The following SLC6A20 variants were observed in gnomAD, a reference collection of about 807,000 sequenced individuals.
SLC6A20 encodes the protein solute carrier family 6 member 20.
A neutral mutation model predicts 64.3 loss-of-function variants in SLC6A20; 73 were observed. The observed-to-expected ratio is 1.14, with a 90% CI of 0.94 to 1.38. SLC6A20 has a LOEUF of 1.38. Among genes scored for constraint, SLC6A20 ranks in the 40% most tolerant of loss-of-function variants. SLC6A20 has a pLI of 0.00. For synonymous variants in SLC6A20, 347 were observed against 329.6 expected (o/e 1.05, Z -0.57); for missense variants, 725 against 772.8 (o/e 0.94, Z 0.73).
rs1341227864 is a variant in SLC6A20, at chr3:45,755,951, A to G, written c.*3027T>C. ...ATTTTTAAGTCATTTTATAAAATGT[A>G]AATACTCCTCAATGTACCACCCATG... On this transcript the variant is annotated 3_prime_UTR_variant, in exon 11 of 11. Coordinates refer to ENST00000358525, the MANE Select transcript of SLC6A20 (RefSeq NM_020208.4). The G allele has an allele frequency of 6.6e-6, 1 of 152,258 alleles. No homozygotes were observed. The highest frequency in any genetic ancestry group is 1.5e-5 in the Non-Finnish European group (1 of 68,032). 9.4% of individuals were successfully genotyped at this position (152,258 alleles called of 1,614,324 possible).
intron 5 of SLC6A20, chr3:45,771,660 T>C: frequency 1.3e-6 from 1 of 758,064 alleles, no homozygotes; most frequent in Non-Finnish European, 2.1e-6. Context: ...GCTGCACACC[T>C]CCCAGGGCTA....
chr3:45,780,081 G>C lies in SLC6A20; in HGVS notation c.282C>G (p.Val94=), dbSNP rs2742399. ...TGTAGTACATGGAGAGGAAGAAAGAGACCACCACGCTGGCGACCCCTGCGA... is the reference window on the plus strand; with the variant it reads ...TGTAGTACATGGAGAGGAAGAAAGACACCACCACGCTGGCGACCCCTGCGA... ...LSGVGVASVV[V]SFFLSMYYNV... Residue 94 remains valine, a synonymous_variant, in exon 3 of 11, where the codon GTC becomes GTG. Transcript: ENST00000358525. The C allele has an allele frequency of 0.018, 29,055 of 1,598,238 alleles. 1,496 individuals are homozygous for C. The highest frequency in any genetic ancestry group is 0.18 in the African/African-American group (13,106 of 74,692).
In SLC6A20 at chr3:45,780,004, C is replaced by T. The variant is rs762021886; in HGVS notation, c.354+5G>A. ...TCCTGTTCTGGCACGGGCCCCCCGG[C>T]TCACCTGGAAGGAGTGGAAGAGGTA... is the stretch of plus-strand genomic sequence containing the variant. On this transcript the variant is annotated splice_donor_5th_base_variant and intron_variant, in intron 3 of 10. Coordinates refer to ENST00000358525, the MANE Select transcript of SLC6A20 (RefSeq NM_020208.4). 1 of 1,597,030 alleles carries T rather than the reference C, an allele frequency of 6.3e-7. No individual in the cohort carries two copies. Among genetic ancestry groups the T allele is most frequent in the Middle Eastern group, 1.7e-4 (1 of 6,044 alleles).
intron 1 of SLC6A20, among the ~76,000 whole-genome samples, chr3:45,782,510 TTCTG>T (rs768687031): frequency 3.0e-4 from 46 of 151,988 alleles, no homozygotes; most frequent in African/African-American, 8.2e-4. Flanking sequence ...CCATCCGTTC[TTCTG>T]TCTATCTTTC....
At chr3:45,789,888 G>A (rs557221114) in intron 1 of SLC6A20, among the ~76,000 whole-genome samples, 11 of 152,034 alleles carry the variant, frequency 7.2e-5, no homozygotes, top group South Asian at 2.1e-4. Context: ...CTCCACACCC[G>A]GCCCTTTTAC....
At chr3:45,770,710 A>C (rs1482634817) in intron 6 of SLC6A20, among the ~76,000 whole-genome samples, 3 of 152,252 alleles carry the variant, frequency 2.0e-5, no homozygotes, top group Admixed American at 1.3e-4. Flanking sequence ...GTGGACACTG[A>C]GCAACTGATT....
Position 45,780,052 on chromosome 3 carries a change from A to T in SLC6A20, c.311T>A (p.Val104Asp). ...VSFFLSMYYN[V>D]INAWAFWYLF... is the part of the protein sequence containing the mutation. ...GTACCAGAAGGCCCAGGCGTTGATG[A>T]CGTTGTAGTACATGGAGAGGAAGAA... The change falls in exon 3 of 11, where the codon GTC becomes GAC. Residue 104 changes from valine to aspartate, a missense_variant. Transcript: ENST00000358525. 1 of 1,605,170 alleles carries T rather than the reference A, an allele frequency of 6.2e-7. No homozygotes were observed. Among genetic ancestry groups the T allele is most frequent in the Non-Finnish European group, 8.5e-7 (1 of 1,175,784 alleles).
At chr3:45,772,201 C>G (rs1699883408) in intron 5 of SLC6A20, 1 of 318,408 alleles carries the variant, frequency 3.1e-6, no homozygotes, top group African/African-American at 2.2e-5. Context: ...GGTCCACAGT[C>G]TGAAAGGGGC....
At chr3:45,779,428 T>C (rs1409199731) in intron 3 of SLC6A20, among the ~76,000 whole-genome samples, 1 of 152,238 alleles carries the variant, frequency 6.6e-6, no homozygotes, top group Non-Finnish European at 1.5e-5. Context: ...GCTGTAGTTA[T>C]CATCAGAAAT....
At chr3:45,785,306 G>A (rs1334003949) in intron 1 of SLC6A20, among the ~76,000 whole-genome samples, 1 of 152,164 alleles carries the variant, frequency 6.6e-6, no homozygotes, top group African/African-American at 2.4e-5. Flanking sequence ...TGTCTGTGAG[G>A]GTGTTGCCAA....
chr3:45,783,462 C>T (rs939634213), intron 1 of SLC6A20, among the ~76,000 whole-genome samples: 3 of 152,254 alleles, frequency 2.0e-5, no homozygotes, highest in African/African-American at 7.2e-5. Context: ...CCCAGGCACT[C>T]TCCCAATCAC....
At chr3:45,794,942 G>C (rs1247613407) in intron 1 of SLC6A20, among the ~76,000 whole-genome samples, 1 of 152,176 alleles carries the variant, frequency 6.6e-6, no homozygotes, top group Admixed American at 6.5e-5. Context: ...AGGAAATTAA[G>C]AATGCACTGT....
In SLC6A20 at chr3:45,782,024, C is replaced by T. The variant is rs963842548; in HGVS notation, c.262+59G>A. The T allele has an allele frequency of 4.6e-6, 7 of 1,505,966 alleles. No homozygotes were observed. In the African/African-American group the frequency reaches 5.5e-5, roughly 12 times the overall value. The allele number at this position is 1,505,966 out of a possible 1,614,324, so 93.3% of individuals were successfully genotyped here. A position where few individuals can be genotyped will look rare whatever the true frequency, so the allele number is the denominator to read the frequency against. Reference sequence around the variant, plus strand: ...AGCAGCTTTGCTGATGGGATCCCACCCACACCCCCATGCTGCCCGGGTCTC... The same window carrying T: ...AGCAGCTTTGCTGATGGGATCCCACTCACACCCCCATGCTGCCCGGGTCTC... On this transcript the variant is annotated intron_variant, in intron 2 of 10. Transcript: ENST00000358525.
intron 4 of SLC6A20, among the ~76,000 whole-genome samples, chr3:45,775,023 C>T (rs879445734): frequency 8.6e-5 from 13 of 152,016 alleles, no homozygotes; most frequent in African/African-American, 2.9e-4. Flanking sequence ...TGCTAGGCTC[C>T]GAGACATCTG....
At chr3:45,768,350 G>A (rs1338719054) in intron 7 of SLC6A20, among the ~76,000 whole-genome samples, 1 of 152,264 alleles carries the variant, frequency 6.6e-6, no homozygotes, top group Non-Finnish European at 1.5e-5. Flanking sequence ...AAAGCAACAG[G>A]AAAAATGAAG....
intron 1 of SLC6A20, among the ~76,000 whole-genome samples, chr3:45,788,098 C>G (rs1280883051): frequency 1.3e-5 from 2 of 152,068 alleles, no homozygotes; most frequent in Non-Finnish European, 2.9e-5. Flanking sequence ...AGGCATGCAT[C>G]ACTGTGCCTG....
At chr3:45,784,912 G>A (rs1183413644) in intron 1 of SLC6A20, among the ~76,000 whole-genome samples, 1 of 152,078 alleles carries the variant, frequency 6.6e-6, no homozygotes, top group Non-Finnish European at 1.5e-5. Context: ...GCAAGAGGGG[G>A]CTGAACTCTC....
At chr3:45,785,529 A>G (rs906443231) in intron 1 of SLC6A20, among the ~76,000 whole-genome samples, 4 of 152,006 alleles carry the variant, frequency 2.6e-5, no homozygotes, top group African/African-American at 9.7e-5. Flanking sequence ...TGGGACTCAG[A>G]CTGGCTTTCC....
rs1378991571 is a variant in SLC6A20 at position 45,796,504 on chromosome 3, C to A, written c.-85G>T. On this transcript the variant is annotated 5_prime_UTR_variant, in exon 1 of 11. Transcript: ENST00000358525. Reference sequence around the variant, plus strand: ...GCGGTCGCCAGGCGCGCCGTCCCACCCCGGCTCGGCTTGGGGGTGGCCCCG... The same window carrying A: ...GCGGTCGCCAGGCGCGCCGTCCCACACCGGCTCGGCTTGGGGGTGGCCCCG... 1.4e-6 allele frequency: 2 copies of A among 1,420,582 alleles called. No homozygotes were observed. Among genetic ancestry groups the A allele is most frequent in the South Asian group, 3.0e-5 (2 of 67,584 alleles). The allele number at this position is 1,420,582 out of a possible 1,614,324, so 88.0% of individuals were successfully genotyped here. A position where few individuals can be genotyped will look rare whatever the true frequency, so the allele number is the denominator to read the frequency against.
Sources: allele counts gnomAD v4.1 joint callset (sites outside exome capture counted in the v4.1 genomes callset), GRCh38; gene constraint gnomAD v4.1.1; transcripts MANE v1.5; gene names NCBI Gene and HGNC (gene_info 2026-07-23, HGNC 2026-07-21).